The following DDX60 variants were observed in gnomAD, a reference collection of about 807,000 sequenced individuals.
DDX60 encodes DExD/H-box helicase 60.
DDX60 carries 165 observed loss-of-function variants against 212.8 expected under a neutral mutation model. The ratio of observed to expected loss-of-function variants is 0.78; its 90% confidence interval spans 0.68 to 0.88. The LOEUF (loss-of-function observed/expected upper bound fraction) is 0.88, where lower values mean the gene tolerates loss of function less well. DDX60 is among the 40% of genes least tolerant of loss of function. The pLI, the probability that DDX60 is intolerant of heterozygous loss-of-function variation, is 0.00. For synonymous variants in DDX60, 703 were observed against 685.3 expected (o/e 1.03, Z -0.40); for missense variants, 1,905 against 2,003.9 (o/e 0.95, Z 0.94).
intron 15 of DDX60, 140 bp downstream of exon 15, chr4:168,275,875 T>C (rs1735311559): frequency 8.9e-6 from 6 of 672,986 alleles, no homozygotes; most frequent in Middle Eastern, 4.4e-4. Context: ...ACTTCAAGAT[T>C]GGGCAGTTGG....
Position 168,283,484 on chromosome 4 carries a change from T to C in DDX60, c.1684A>G (p.Lys562Glu). Residue 562 changes from lysine to glutamate, a missense_variant, in exon 13 of 38, where the codon AAG (lysine) becomes GAG (glutamate). Coordinates refer to ENST00000393743, the MANE Select transcript of DDX60 (RefSeq NM_017631.6). ...KIIVTQTIKS[K>E]KDFSGPKSKK... ...CTCTTGGGCCCACTAAAATCCTTCT[T>C]TGACTTAATAGTTTGAGTCACGATG... 6.2e-7 allele frequency: 1 copy of C among 1,613,572 alleles called. No homozygotes were observed. Among genetic ancestry groups the C allele is most frequent in the Non-Finnish European group, 8.5e-7 (1 of 1,179,688 alleles).
chr4:168,283,471 C>T lies in DDX60; in HGVS notation c.1697G>A (p.Ser566Asn). ...GTGTGCCTTTTTGCTCTTGGGCCCA[C>T]TAAAATCCTTCTTTGACTTAATAGT... ...TQTIKSKKDF[S>N]GPKSKKAHET... The change falls in exon 13 of 38, where the codon AGT becomes AAT. Residue 566 changes from serine to asparagine, a missense_variant. By Grantham distance (46) the Ser-to-Asn change is conservative. Coordinates refer to ENST00000393743, the MANE Select transcript of DDX60 (RefSeq NM_017631.6). 1 of 1,613,418 alleles carries T rather than the reference C, an allele frequency of 6.2e-7. No homozygotes were observed. Among genetic ancestry groups the T allele is most frequent in the Non-Finnish European group, 8.5e-7 (1 of 1,179,664 alleles).
rs1032425551 is a variant in DDX60 at position 168,273,156 on chromosome 4, T to A, written c.2574+123A>T. ...TTACATTTTTTCTAAAAGTATTTTG[T>A]CTTTCATAAATTCAAATAAATTATT... On this transcript the variant is annotated intron_variant, in intron 18 of 37. Coordinates refer to ENST00000393743, the MANE Select transcript of DDX60 (RefSeq NM_017631.6). 8.8e-6 allele frequency: 9 copies of A among 1,024,906 alleles called. No individual in the cohort carries two copies. In the African/African-American group the frequency reaches 9.9e-5, roughly 11 times the overall value. The allele number at this position is 1,024,906 out of a possible 1,614,324, so 63.5% of individuals were successfully genotyped here. A position where few individuals can be genotyped will look rare whatever the true frequency, so the allele number is the denominator to read the frequency against.
chr4:168,249,693 C>T (rs1734146385), intron 28 of DDX60, among the ~76,000 whole-genome samples: 1 of 152,140 alleles, frequency 6.6e-6, no homozygotes. Context: ...GTGTTTCTCT[C>T]TTCTATCAAT....
At position 168,276,069 on chromosome 4, in the gene DDX60, T is replaced by C; in HGVS notation, c.2091A>G (p.Arg697=). 6.2e-6 allele frequency: 10 copies of C among 1,613,546 alleles called. No individual in the cohort carries two copies. Among genetic ancestry groups the C allele is most frequent in the Non-Finnish European group, 7.6e-6 (9 of 1,179,654 alleles). Residue 697 remains arginine (R), a synonymous_variant, in exon 15 of 38, where the codon AGA becomes AGG. Coordinates refer to ENST00000393743, the MANE Select transcript of DDX60 (RefSeq NM_017631.6). ...CATCAAATCCTAAATACTTAAGGCA[T>C]CTGGCTATGAGTTGCCGATCATCTT... The part of the protein sequence containing the change: ...LQEDDRQLIA[R]CLKYLGFDEL...
intron 30 of DDX60, among the ~76,000 whole-genome samples, chr4:168,239,009 G>T (rs1733739727): frequency 6.6e-6 from 1 of 152,090 alleles, no homozygotes; most frequent in Non-Finnish European, 1.5e-5. Flanking sequence ...ACATCCTATT[G>T]CTTGGCAAAC....
chr4:168,286,849 T>C (rs1735883613), intron 10 of DDX60, among the ~76,000 whole-genome samples, 199 bp downstream of exon 10: 1 of 152,156 alleles, frequency 6.6e-6, no homozygotes, highest in East Asian at 1.9e-4. Context: ...CAATATTAAT[T>C]ATAAGCAAAA....
intron 35 of DDX60, among the ~76,000 whole-genome samples, chr4:168,222,352 C>A (rs558536130): frequency 6.6e-6 from 1 of 151,978 alleles, no homozygotes; most frequent in African/African-American, 2.4e-5. Flanking sequence ...AAAAAGAAGG[C>A]GGTGAATAGT....
In DDX60 at chr4:168,311,036, T is replaced by C; in HGVS notation, c.36A>G (p.Glu12=). ...TTTCATTCAAAATTAACTGGGACATTTCCTGTGAAAATGTTGTAAGAACAT... is the reference window on the plus strand; with the variant it reads ...TTTCATTCAAAATTAACTGGGACATCTCCTGTGAAAATGTTGTAAGAACAT... ...ERNVLTTFSQ[E]MSQLILNEMP... The change falls in exon 3 of 38, where the codon GAA becomes GAG. Residue 12 remains glutamate, a synonymous_variant. Transcript: ENST00000393743. 1.3e-6 allele frequency: 2 copies of C among 1,584,058 alleles called. No homozygotes were observed. Among genetic ancestry groups the C allele is most frequent in the Non-Finnish European group, 1.7e-6 (2 of 1,155,774 alleles).
intron 13 of DDX60, among the ~76,000 whole-genome samples, chr4:168,281,516 G>C (rs973877023): frequency 2.0e-5 from 3 of 152,322 alleles, no homozygotes; most frequent in Middle Eastern, 3.4e-3. Context: ...TGTTTGATGA[G>C]TGAATAAGGA....
intron 1 of DDX60, among the ~76,000 whole-genome samples, chr4:168,315,455 A>T (rs1200891628): frequency 6.6e-6 from 1 of 152,202 alleles, no homozygotes; most frequent in Non-Finnish European, 1.5e-5. Context: ...CATGTGCAGA[A>T]CATGCAGGTT....
At chr4:168,313,622 G>C (rs1304940885) in intron 1 of DDX60, among the ~76,000 whole-genome samples, 1 of 152,104 alleles carries the variant, frequency 6.6e-6, no homozygotes, top group Non-Finnish European at 1.5e-5. Flanking sequence ...TTAACCCCAA[G>C]TATATTACAG....
chr4:168,316,148 T>C (rs1049988570), intron 1 of DDX60, among the ~76,000 whole-genome samples: 1 of 152,150 alleles, frequency 6.6e-6, no homozygotes, highest in African/African-American at 2.4e-5. Context: ...AAGGAAGCTA[T>C]AAAGAAAAAC....
intron 18 of DDX60, 128 bp from the exon 19 acceptor site, chr4:168,272,266 C>T (rs1045942620): frequency 9.9e-6 from 7 of 705,648 alleles, no homozygotes; most frequent in Non-Finnish European, 1.6e-5. Flanking sequence ...TATAACATTG[C>T]TTCTGAGAAT....
intron 8 of DDX60, among the ~76,000 whole-genome samples, chr4:168,290,501 A>AT (rs896282333): frequency 3.4e-5 from 5 of 148,950 alleles, no homozygotes; most frequent in South Asian, 2.1e-4. Context: ...GCTACTTTTT[A>AT]TTTTTTTTGG....
intron 25 of DDX60, among the ~76,000 whole-genome samples, chr4:168,257,512 G>A (rs891152326): frequency 3.3e-5 from 5 of 152,134 alleles, no homozygotes; most frequent in Non-Finnish European, 7.3e-5. Flanking sequence ...GCAGGCCCCT[G>A]TTCTCAAATC....
intron 32 of DDX60, 119 bp from the exon 33 acceptor site, chr4:168,236,492 T>C: frequency 2.3e-6 from 2 of 882,050 alleles, no homozygotes; most frequent in Non-Finnish European, 1.7e-6. Flanking sequence ...ATGACAAACA[T>C]AGCAATTGAA....
At position 168,236,253 on chromosome 4, in the gene DDX60, TTTGA is replaced by T; in HGVS notation, c.4528_4531del (p.Ser1510ArgfsTer15). The T allele has an allele frequency of 1.2e-6, 2 of 1,609,758 alleles. No homozygotes were observed. The highest frequency in any genetic ancestry group is 1.7e-6 in the Non-Finnish European group (2 of 1,177,970). The stretch of plus-strand genomic sequence containing the variant: ...TTTTATCAGAATCACACAGTTTACC[TTTGA>T]TTGATAAAACTCGAAGTGTGCATCT... On this transcript the variant is annotated frameshift_variant and splice_region_variant, in exon 33 of 38. Coordinates refer to ENST00000393743, the MANE Select transcript of DDX60 (RefSeq NM_017631.6). LOFTEE classifies it high-confidence loss of function.
chr4:168,268,557 C>A (rs1205680854), intron 20 of DDX60, among the ~76,000 whole-genome samples: 3 of 151,688 alleles, frequency 2.0e-5, no homozygotes, highest in Non-Finnish European at 2.9e-5. Context: ...TTTTTTATTT[C>A]TTGGTGAAGG....
Sources: gnomAD v4.1 joint callset for allele counts (sites outside exome capture counted in the v4.1 genomes callset) on GRCh38, gnomAD v4.1.1 for gene constraint, MANE v1.5 for transcripts, NCBI Gene and HGNC (gene_info 2026-07-23, HGNC 2026-07-21) for gene names.